Variants in EPB42 observed in about 807,000 individuals in gnomAD.
The protein encoded by EPB42 is erythrocyte membrane protein band 4.2.
Under a neutral mutation model 76.9 loss-of-function variants are expected in EPB42, and 49 were observed. The ratio of observed to expected loss-of-function variants is 0.64; its 90% CI spans 0.51 to 0.81. EPB42 has a LOEUF of 0.81. Among genes scored for constraint, EPB42 ranks in the 30% least tolerant of loss-of-function variants. The pLI, the probability that EPB42 is intolerant of heterozygous loss-of-function variation, is 0.00. For synonymous variants in EPB42, 310 were observed against 338.4 expected (o/e 0.92, Z 0.92); for missense variants, 731 against 867.6 (o/e 0.84, Z 1.98).
At chr15:43,208,882 A>G in intron 6 of EPB42, 107 bp from the exon 7 acceptor site, 1 of 1,345,060 alleles carries the variant, frequency 7.4e-7, no homozygotes, top group Non-Finnish European at 1.0e-6. Flanking sequence ...AAACTTGGAA[A>G]GAAGAGGAGT....
chr15:43,220,590 T>C, intron 1 of EPB42: 1 of 848,078 alleles, frequency 1.2e-6, no homozygotes, highest in Non-Finnish European at 2.0e-6. Flanking sequence ...CCAGCACCCA[T>C]CATCACACCA....
At chr15:43,205,796 G>C (rs2042193839) in intron 10 of EPB42, among the ~76,000 whole-genome samples, 1 of 152,114 alleles carries the variant, frequency 6.6e-6, no homozygotes, top group East Asian at 1.9e-4. Flanking sequence ...AAAAACAATT[G>C]TTCTGGTTCA....
chr15:43,220,596 C>A, intron 1 of EPB42: 1 of 891,512 alleles, frequency 1.1e-6, no homozygotes. Flanking sequence ...CCCATCATCA[C>A]ACCACGCTCC....
At chr15:43,225,034 A>G (rs919890116), upstream of EPB42, among the ~76,000 whole-genome samples, 4 of 152,276 alleles carry the variant, frequency 2.6e-5, no homozygotes, top group African/African-American at 9.6e-5. Context: ...TTGGCCTCCC[A>G]AAGTGTTGGG....
chr15:43,218,213 G>T (rs2042406036), intron 1 of EPB42, among the ~76,000 whole-genome samples: 1 of 152,202 alleles, frequency 6.6e-6, no homozygotes, highest in Non-Finnish European at 1.5e-5. Context: ...TGCCTCTGCA[G>T]ACTGGTTGAG....
At position 43,202,151 on chromosome 15, in the gene EPB42, AC is replaced by A. The variant is rs560588356; in HGVS notation, c.1780-175del. Among the ~76,000 whole-genome samples the A allele has an allele frequency of 2.2e-4, 34 of 151,584 alleles. No individual in the cohort carries two copies. In the East Asian group the frequency reaches 6.4e-3, roughly 29 times the overall value. On this transcript the variant is annotated intron_variant, in intron 11 of 12. Transcript: ENST00000441366. ...ACCTGCTCTTCCTGCATTTATTCCC[AC>A]CCTTGGTCCTTCACTGATGATTTCT...
At chr15:43,214,934 G>A (rs1366069587) in intron 3 of EPB42, among the ~76,000 whole-genome samples, 161 bp downstream of exon 3, 4 of 152,206 alleles carry the variant, frequency 2.6e-5, no homozygotes, top group Admixed American at 6.5e-5. Flanking sequence ...CTGAGAGCTG[G>A]TTCATTCAGG....
upstream of EPB42, among the ~76,000 whole-genome samples, chr15:43,222,709 C>T (rs1450417105): frequency 6.6e-6 from 1 of 152,086 alleles, no homozygotes; most frequent in Non-Finnish European, 1.5e-5. Flanking sequence ...GATCAAAATA[C>T]ATGTATTAAA....
At position 43,207,506 on chromosome 15, in the gene EPB42, C is replaced by T. The variant is rs964239928; in HGVS notation, c.1076-65G>A. On this transcript the variant is annotated intron_variant, in intron 8 of 12. Transcript: ENST00000441366. ...TAGACCTCTGCTCAGTTCAGAACTG[C>T]GTAACCTCAGTCCCCATCCTCTAGC... 5.4e-5 allele frequency: 86 copies of T among 1,602,832 alleles called. 1 individual carries two copies. In the African/African-American group the frequency reaches 7.1e-4, roughly 13 times the overall value.
chr15:43,201,604 G>A lies in EPB42; in HGVS notation c.1913+240C>T, dbSNP rs538770124. On this transcript the variant is annotated intron_variant, in intron 12 of 12. Transcript: ENST00000441366. ...CCCAGGCTCTCCCTGCAGGATCAGG[G>A]CAGCAACCAGGGCAGGCGGGTGCCC... Among the ~76,000 whole-genome samples, 15 of 152,324 alleles carry A rather than the reference G, an allele frequency of 9.8e-5. No individual in the cohort carries two copies. In the South Asian group the frequency reaches 1.9e-3, roughly 19 times the overall value.
Position 43,202,108 on chromosome 15 carries a change from G to A in EPB42, c.1780-131C>T. 4.0e-6 allele frequency: 5 copies of A among 1,255,856 alleles called. No individual in the cohort carries two copies. The South Asian group carries it at 6.3e-5, about 16-fold the overall frequency. The allele number at this position is 1,255,856 out of a possible 1,614,324, so 77.8% of individuals were successfully genotyped here. ...CCAAGCTGACTCAAACTTCACAGCT[G>A]ATGTCTTCTACCGCTCTACCTGCTC... On this transcript the variant is annotated intron_variant, in intron 11 of 12. Coordinates refer to ENST00000441366, the MANE Select transcript of EPB42 (RefSeq NM_001114134.2).
chr15:43,211,770 C>A (rs553188117), intron 3 of EPB42, among the ~76,000 whole-genome samples: 1 of 152,332 alleles, frequency 6.6e-6, no homozygotes, highest in African/African-American at 2.4e-5. Flanking sequence ...ACAAGAACAA[C>A]CTTAAAAAGC....
Position 43,203,108 on chromosome 15 carries a change from T to C in EPB42, c.1779+7A>G, listed in dbSNP as rs200770579. The C allele has an allele frequency of 1.8e-4, 284 of 1,613,994 alleles. No homozygotes were observed. Among genetic ancestry groups the C allele is most frequent in the Non-Finnish European group, 2.3e-4 (269 of 1,179,968 alleles). On this transcript the variant is annotated splice_region_variant and intron_variant, in intron 11 of 12. Transcript: ENST00000441366. ...CGAGGGCAACTCAGGGGAGGACTGG[T>C]GCCTACCTTGATGGCAAGGTGTGGT... is the stretch of plus-strand genomic sequence containing the variant.
At position 43,207,378 on chromosome 15, in the gene EPB42, G is replaced by A. The variant is rs1362307433; in HGVS notation, c.1139C>T (p.Pro380Leu). Residue 380 changes from proline to leucine, a missense_variant, in exon 9 of 13, where the codon CCA (proline) becomes CTA (leucine). Pro to Leu is a moderately conservative substitution (Grantham distance 98). Transcript: ENST00000441366. ...AVKEGTLGLT[P>L]AVSDLFAAIN... ...GGCAGCAAAAAGGTCTGACACTGCT[G>A]GGGTCAGCCCCAGCGTCCCCTCCTT... 6.2e-7 allele frequency: 1 copy of A among 1,614,190 alleles called. No homozygotes were observed. The highest frequency in any genetic ancestry group is 1.7e-5 in the Admixed American group (1 of 60,032).
chr15:43,197,316 C>T lies in EPB42; in HGVS notation c.2062G>A (p.Glu688Lys), dbSNP rs1366472534. The T allele has an allele frequency of 6.2e-7, 1 of 1,614,054 alleles. No individual in the cohort carries two copies. The highest frequency in any genetic ancestry group is 2.2e-5 in the East Asian group (1 of 44,898). The change falls in exon 13 of 13, where the codon GAA becomes AAA. Residue 688 changes from glutamate (E) to lysine (K), a missense_variant. By Grantham distance (56) the Glu-to-Lys change is moderately conservative. Coordinates refer to ENST00000441366, the MANE Select transcript of EPB42 (RefSeq NM_001114134.2). ...GAGCTGGAAGTTTAAGCTGATAGTT[C>T]AGGGGCTACCACGGTGACGCTTTTA... ...NYKSVTVVAP[E>K]LSA
rs143402839 is a variant in EPB42, at chr15:43,219,252, C to A, written c.10+1564G>T. The stretch of plus-strand genomic sequence containing the variant: ...AGCACAGAGATACAGGAGACATAAA[C>A]GCCCTCAAGAACATAAAGGTAAAAA... On this transcript the variant is annotated intron_variant, in intron 1 of 12. Coordinates refer to ENST00000441366, the MANE Select transcript of EPB42 (RefSeq NM_001114134.2). 1.6e-3 allele frequency among the ~76,000 whole-genome samples: 244 copies of A among 152,232 alleles called. 2 individuals are homozygous for A. The highest frequency in any genetic ancestry group is 5.5e-3 in the African/African-American group (230 of 41,518).
intron 5 of EPB42, among the ~76,000 whole-genome samples, chr15:43,210,004 A>G (rs2042269228): frequency 6.6e-6 from 1 of 152,240 alleles, no homozygotes; most frequent in African/African-American, 2.4e-5. Context: ...TCACTGCAGC[A>G]GCAAGCCCTG....
intron 2 of EPB42, among the ~76,000 whole-genome samples, chr15:43,215,672 G>T (rs767982630): frequency 2.0e-5 from 3 of 152,210 alleles, no homozygotes; most frequent in Non-Finnish European, 4.4e-5. Context: ...TTTAGCCTGG[G>T]TTCGATTCCA....
At position 43,206,172 on chromosome 15, in the gene EPB42, T is replaced by TTGAA. The variant is rs963212225; in HGVS notation, c.1618+154_1618+157dup. On this transcript the variant is annotated intron_variant, in intron 10 of 12. Transcript: ENST00000441366. The surrounding 1 kb of genome is among the most constrained non-coding windows in gnomAD (Gnocchi z 4.7). ...CTGCTTCAGGCCCAATAAATATGTG[T>TTGAA]TGAATGAATGAATGAGAGAGAACAT... 4.0e-6 allele frequency: 3 copies of TTGAA among 758,838 alleles called. No homozygotes were observed. In the African/African-American group the frequency reaches 5.2e-5, roughly 13 times the overall value. The allele number at this position is 758,838 out of a possible 1,614,324, so 47.0% of individuals were successfully genotyped here.
Sources: allele counts gnomAD v4.1 joint callset (sites outside exome capture counted in the v4.1 genomes callset), GRCh38; gene constraint gnomAD v4.1.1; non-coding constraint Gnocchi (gnomAD v3.1); transcripts MANE v1.5; gene names NCBI Gene and HGNC (gene_info 2026-07-23, HGNC 2026-07-21).